The following ITGB6 variants were observed in gnomAD, a reference collection of about 807,000 sequenced individuals.
ITGB6 encodes the protein integrin beta-6.
Under a neutral mutation model 84.5 loss-of-function variants are expected in ITGB6, and 80 were observed. That is an observed-to-expected ratio of 0.95 (90% CI 0.79 to 1.14). ITGB6 has a LOEUF of 1.14. ITGB6 is among the 50% of genes most tolerant of loss of function. The probability of loss-of-function intolerance (pLI) is 0.00; values close to 1 mark genes in which losing one functional copy is unlikely to be tolerated. For missense variants in ITGB6, 1,006 were observed against 968.0 expected, an observed-to-expected ratio of 1.04 and a Z score of -0.52; for synonymous variants, 383 against 354.9, an observed-to-expected ratio of 1.08 and a Z score of -0.89.
rs1684026193 is a variant in ITGB6 at position 160,142,201 on chromosome 2, C to T, written c.1018-130G>A. 3 of 591,438 alleles carry T rather than the reference C, an allele frequency of 5.1e-6. No homozygotes were observed. The East Asian group carries it at 9.1e-5, about 18-fold the overall frequency. The allele number at this position is 591,438 out of a possible 1,614,324, so 36.6% of individuals were successfully genotyped here. A position where few individuals can be genotyped will look rare whatever the true frequency, so the allele number is the denominator to read the frequency against. ...GGAAAACAGGTTCGTGATAACAAAC[C>T]TGCTTTTCTCCTGAAACTGTAGCCT... On this transcript the variant is annotated intron_variant, in intron 7 of 14. Coordinates refer to ENST00000283249, the MANE Select transcript of ITGB6 (RefSeq NM_000888.5).
chr2:160,123,984 A>G (rs1683141519), intron 11 of ITGB6, 96 bp from the exon 12 acceptor site: 11 of 816,620 alleles, frequency 1.3e-5, no homozygotes, highest in Non-Finnish European at 6.1e-6. Flanking sequence ...AATTTGTGCT[A>G]TAGGAGTATG....
chr2:160,110,695 AGAGGACCCT>A (rs1403399324), intron 13 of ITGB6, among the ~76,000 whole-genome samples: 1 of 152,172 alleles, frequency 6.6e-6, no homozygotes, highest in Non-Finnish European at 1.5e-5. Flanking sequence ...CAATTTGCTT[AGAGGACCCT>A]GGGGATCAGC....
intron 10 of ITGB6, among the ~76,000 whole-genome samples, chr2:160,136,710 A>G (rs1032726375): frequency 6.6e-6 from 1 of 152,254 alleles, no homozygotes; most frequent in Non-Finnish European, 1.5e-5. Flanking sequence ...GCCATGGAAT[A>G]CTATGCAGCC....
At chr2:160,166,136 GC>G (rs1322222400) in intron 7 of ITGB6, among the ~76,000 whole-genome samples, 1 of 152,088 alleles carries the variant, frequency 6.6e-6, no homozygotes, top group African/African-American at 2.4e-5. Flanking sequence ...GGTCCCTTTG[GC>G]TGCATAAAAA....
intron 6 of ITGB6, among the ~76,000 whole-genome samples, chr2:160,172,070 G>A (rs1209145128): frequency 6.6e-6 from 1 of 152,198 alleles, no homozygotes; most frequent in African/African-American, 2.4e-5. Context: ...ACAAGAGTTA[G>A]CTGTTTTCTT....
chr2:160,147,119 A>G (rs1684228020), intron 7 of ITGB6, among the ~76,000 whole-genome samples: 1 of 151,656 alleles, frequency 6.6e-6, no homozygotes, highest in South Asian at 2.1e-4. Context: ...AAGGAAAGGA[A>G]AGGAAAGAAG....
chr2:160,115,907 C>T (rs6736279), intron 12 of ITGB6, among the ~76,000 whole-genome samples: 118,238 of 150,118 alleles, frequency 0.79, 47,540 homozygotes, highest in African/African-American at 0.95. Flanking sequence ...GAAGAAAGGG[C>T]ATCAGTGATG....
chr2:160,196,288 C>A lies in ITGB6; in HGVS notation c.274G>T (p.Val92Leu), dbSNP rs200784593. 6.2e-7 allele frequency: 1 copy of A among 1,613,924 alleles called. No individual in the cohort carries two copies. Among genetic ancestry groups the A allele is most frequent in the Non-Finnish European group, 8.5e-7 (1 of 1,179,958 alleles). The change falls in exon 3 of 15, where the codon GTA becomes TTA. Residue 92 changes from valine to leucine, a missense_variant. By Grantham distance (32) the Val-to-Leu change is conservative (BLOSUM62 1). Coordinates refer to ENST00000283249, the MANE Select transcript of ITGB6 (RefSeq NM_000888.5). The stretch of plus-strand genomic sequence containing the variant: ...TCAGAACTATTTTTCTGTCTGCCTA[C>A]ACTGAGAGGCTTATTTTTAAGTATT... ...VEILKNKPLSVGRQKNSSDIV... is the reference protein window; with the variant it reads ...VEILKNKPLSLGRQKNSSDIV...
At chr2:160,151,235 A>G (rs1353748028) in intron 7 of ITGB6, among the ~76,000 whole-genome samples, 1 of 152,248 alleles carries the variant, frequency 6.6e-6, no homozygotes, top group Non-Finnish European at 1.5e-5. Context: ...CAGAAATCAC[A>G]ATGAACTGTC....
intron 4 of ITGB6, among the ~76,000 whole-genome samples, chr2:160,186,963 G>A (rs1239818569): frequency 4.0e-5 from 6 of 151,578 alleles, no homozygotes; most frequent in Admixed American, 2.6e-4. Context: ...AGGGCCTGTC[G>A]GGGGGGTGGG....
intron 8 of ITGB6, among the ~76,000 whole-genome samples, chr2:160,140,220 G>C (rs977168850): frequency 6.6e-6 from 1 of 152,138 alleles, no homozygotes; most frequent in South Asian, 2.1e-4. Context: ...GAATCATAAA[G>C]CTCCAATAAT....
intron 13 of ITGB6, among the ~76,000 whole-genome samples, chr2:160,109,107 G>A (rs551262288): frequency 6.6e-6 from 1 of 152,310 alleles, no homozygotes; most frequent in South Asian, 2.1e-4. Flanking sequence ...GACTAGTCAT[G>A]CTGTCTTTAA....
At chr2:160,156,397 AG>A (rs940611511) in intron 7 of ITGB6, among the ~76,000 whole-genome samples, 2 of 152,122 alleles carry the variant, frequency 1.3e-5, no homozygotes, top group African/African-American at 4.8e-5. Context: ...GGTCCTCACA[AG>A]CCTCTTGACA....
chr2:160,114,695 G>A (rs1379708155), intron 12 of ITGB6, among the ~76,000 whole-genome samples: 1 of 152,214 alleles, frequency 6.6e-6, no homozygotes, highest in Non-Finnish European at 1.5e-5. Context: ...AGCCAAAGCA[G>A]GGCGAGGCAT....
At chr2:160,108,188 C>T (rs547279266) in intron 13 of ITGB6, among the ~76,000 whole-genome samples, 2 of 147,982 alleles carry the variant, frequency 1.4e-5, no homozygotes, top group South Asian at 2.1e-4. Flanking sequence ...ATGGTCTCTT[C>T]TGAGTTCACG....
rs371121198 is a variant in ITGB6 at position 160,117,521 on chromosome 2, A to G, written c.1982-5322T>C. On this transcript the variant is annotated intron_variant, in intron 12 of 14. Coordinates refer to ENST00000283249, the MANE Select transcript of ITGB6 (RefSeq NM_000888.5). Reference sequence around the variant, plus strand: ...CTGGGACACATTCAAAGCAGTGTGCAGAGTGAAATTTATAGCACTAAATGC... The same window carrying G: ...CTGGGACACATTCAAAGCAGTGTGCGGAGTGAAATTTATAGCACTAAATGC... 1.6e-4 allele frequency among the ~76,000 whole-genome samples: 25 copies of G among 152,362 alleles called. No individual in the cohort carries two copies. In the East Asian group the frequency reaches 4.2e-3, roughly 26 times the overall value.
intron 8 of ITGB6, among the ~76,000 whole-genome samples, chr2:160,140,673 A>G (rs1186703704): frequency 1.3e-5 from 2 of 152,268 alleles, no homozygotes; most frequent in African/African-American, 4.8e-5. Context: ...AAGAATTTCA[A>G]GCATGAGCTA....
At chr2:160,121,430 T>C (rs571587929) in intron 12 of ITGB6, among the ~76,000 whole-genome samples, 259 of 152,280 alleles carry the variant, frequency 1.7e-3, no homozygotes, top group Admixed American at 3.6e-3. Context: ...ATATCTAGGG[T>C]TACATGGAAT....
In ITGB6 at chr2:160,195,610, C is replaced by T. The variant is rs1686305673; in HGVS notation, c.352G>A (p.Ala118Thr). 1 of 1,613,872 alleles carries T rather than the reference C, an allele frequency of 6.2e-7. No individual in the cohort carries two copies. The highest frequency in any genetic ancestry group is 8.5e-7 in the Non-Finnish European group (1 of 1,179,958). Residue 118 changes from alanine to threonine, a missense_variant, in exon 4 of 15, where the codon GCG becomes ACG. Physicochemically the swap from Ala to Thr is moderately conservative, Grantham distance 58. Coordinates refer to ENST00000283249, the MANE Select transcript of ITGB6 (RefSeq NM_000888.5). ...CGGACATGCACCTGCAGAGTCTGCG[C>T]ACCACCTGCAAAGCCCAACAGGAAA... ...SLILKLRPGG[A>T]QTLQVHVRQT...
Sources: allele counts gnomAD v4.1 joint callset (sites outside exome capture counted in the v4.1 genomes callset), GRCh38; gene constraint gnomAD v4.1.1; transcripts MANE v1.5; gene names NCBI Gene and HGNC (gene_info 2026-07-23, HGNC 2026-07-21).